The following ADGRA3 variants were observed in gnomAD, a reference collection of about 807,000 sequenced individuals.
ADGRA3 encodes adhesion G protein-coupled receptor A3, also known as G-protein coupled receptor 125.
A neutral mutation model predicts 119.8 loss-of-function variants in ADGRA3; 56 were observed. That is an observed-to-expected ratio of 0.47 (90% confidence interval 0.38 to 0.58). ADGRA3 has a LOEUF of 0.58. Ranked by LOEUF, ADGRA3 falls within the 20% of genes least tolerant of loss-of-function variation. ADGRA3 has a pLI of 0.00. For missense variants in ADGRA3, 1,516 were observed against 1,649.0 expected, an observed-to-expected ratio of 0.92 and a Z score of 1.40; for synonymous variants, 607 against 623.8, an observed-to-expected ratio of 0.97 and a Z score of 0.40.
intron 14 of ADGRA3, among the ~76,000 whole-genome samples, chr4:22,409,728 C>T (rs1352561594): frequency 1.3e-5 from 2 of 152,148 alleles, no homozygotes; most frequent in African/African-American, 2.4e-5. Flanking sequence ...AGAAATGTTG[C>T]TCTACAGAAA....
At chr4:22,461,414 C>T (rs113068204) in intron 3 of ADGRA3, among the ~76,000 whole-genome samples, 12,008 of 152,254 alleles carry the variant, frequency 0.079, 523 homozygotes, top group Middle Eastern at 0.11. Flanking sequence ...GATTCTCCTG[C>T]CTCAGCCTCC....
intron 3 of ADGRA3, among the ~76,000 whole-genome samples, chr4:22,458,879 A>G (rs1419103543): frequency 6.6e-6 from 1 of 152,156 alleles, no homozygotes; most frequent in African/African-American, 2.4e-5. Context: ...TAGTAGCAAG[A>G]TCTCCTCCAG....
At chr4:22,413,056 G>A in intron 14 of ADGRA3, 126 bp downstream of exon 14, 1 of 705,544 alleles carries the variant, frequency 1.4e-6, no homozygotes. Flanking sequence ...TAATCAAAGG[G>A]AGCAAATTAT....
At chr4:22,390,379 T>A (rs76539725) in intron 17 of ADGRA3, among the ~76,000 whole-genome samples, 188 of 13,890 alleles carry the variant, frequency 0.014, 6 homozygotes, top group African/African-American at 0.036. Flanking sequence ...TATATATATA[T>A]AATACGTATT....
At chr4:22,428,424 G>A (rs73800951) in intron 10 of ADGRA3, among the ~76,000 whole-genome samples, 2 of 151,746 alleles carry the variant, frequency 1.3e-5, no homozygotes, top group African/African-American at 4.8e-5. Context: ...TGGAGTTTTT[G>A]AGAAAGGCCA....
rs143898934 is a variant in ADGRA3 at position 22,495,619 on chromosome 4, A to G, written c.257+19909T>C. On this transcript the variant is annotated intron_variant, in intron 1 of 18. Transcript: ENST00000334304. ...GTAAATTTCTTTTATAAAAGTATCA[A>G]AGTTATAGGCCGGGCGTGGTGGCTC... Among the ~76,000 whole-genome samples the G allele has an allele frequency of 6.3e-4, 96 of 152,130 alleles. 4 individuals are homozygous for G. The highest frequency in any genetic ancestry group is 2.1e-3 in the African/African-American group (89 of 41,412).
chr4:22,454,505 C>T (rs1169842232), intron 4 of ADGRA3, among the ~76,000 whole-genome samples: 1 of 152,186 alleles, frequency 6.6e-6, no homozygotes, highest in South Asian at 2.1e-4. Context: ...CTATCCAGAT[C>T]TCTGCAAATC....
At chr4:22,513,482 T>C (rs1719523147) in intron 1 of ADGRA3, among the ~76,000 whole-genome samples, 1 of 151,854 alleles carries the variant, frequency 6.6e-6, no homozygotes. Flanking sequence ...TCCTTAATTG[T>C]ATCTTCTTCC....
At chr4:22,429,935 A>AGGGACCCAGTG (rs1716091284) in intron 10 of ADGRA3, among the ~76,000 whole-genome samples, 1 of 152,154 alleles carries the variant, frequency 6.6e-6, no homozygotes, top group South Asian at 2.1e-4. Flanking sequence ...GTGTTGTGAG[A>AGGGACCCAGTG]GGGACCCAGT....
At chr4:22,438,536 C>G (rs775761543) in intron 7 of ADGRA3, 116 bp from the exon 8 acceptor site, 8 of 732,192 alleles carry the variant, frequency 1.1e-5, no homozygotes, top group African/African-American at 1.1e-4. Context: ...GTGGGGTAAG[C>G]ACTTGCTATA....
chr4:22,444,725 T>C (rs1039983301), intron 6 of ADGRA3, among the ~76,000 whole-genome samples: 1 of 152,148 alleles, frequency 6.6e-6, no homozygotes, highest in Admixed American at 6.5e-5. Context: ...TTCTTTGAAA[T>C]TGGTTTGCAT....
intron 8 of ADGRA3, among the ~76,000 whole-genome samples, chr4:22,437,976 C>A (rs16872651): frequency 0.15 from 23,001 of 152,170 alleles, 1,811 homozygotes; most frequent in Middle Eastern, 0.22. Flanking sequence ...AGAATATCTC[C>A]AATGTTTCCC....
intron 10 of ADGRA3, among the ~76,000 whole-genome samples, chr4:22,435,027 A>G (rs1716338836): frequency 6.6e-6 from 1 of 152,190 alleles, no homozygotes; most frequent in Non-Finnish European, 1.5e-5. Context: ...CCTAAGCCAC[A>G]ACGTGGAGGC....
intron 9 of ADGRA3, 152 bp from the exon 10 acceptor site, chr4:22,435,618 C>A: frequency 4.7e-6 from 3 of 637,602 alleles, no homozygotes; most frequent in Non-Finnish European, 7.2e-6. Context: ...TTTACAAACC[C>A]AAGAAAACTG....
chr4:22,421,400 C>G (rs1461737141), intron 11 of ADGRA3, among the ~76,000 whole-genome samples: 2 of 151,980 alleles, frequency 1.3e-5, no homozygotes, highest in East Asian at 3.9e-4. Context: ...AAGGAAACAA[C>G]AAGCTAAAAA....
intron 12 of ADGRA3, among the ~76,000 whole-genome samples, chr4:22,417,144 G>A (rs1336831462): frequency 6.6e-6 from 1 of 152,112 alleles, no homozygotes; most frequent in Non-Finnish European, 1.5e-5. Context: ...ATTATTAACT[G>A]CATACCACCT....
intron 2 of ADGRA3, among the ~76,000 whole-genome samples, chr4:22,463,723 C>T (rs377005896): frequency 2.0e-5 from 3 of 152,192 alleles, no homozygotes; most frequent in East Asian, 3.8e-4. Context: ...GTTACAACAT[C>T]AAAGTTGGTT....
chr4:22,407,178 G>A (rs1444204610), intron 14 of ADGRA3, among the ~76,000 whole-genome samples: 1 of 152,216 alleles, frequency 6.6e-6, no homozygotes, highest in African/African-American at 2.4e-5. Flanking sequence ...GGCTGAGGCA[G>A]AAGAATGGCG....
At chr4:22,461,918 G>A (rs1292826695) in intron 2 of ADGRA3, 110 bp from the exon 3 acceptor site, 2 of 587,514 alleles carry the variant, frequency 3.4e-6, no homozygotes, top group Admixed American at 3.5e-5. Flanking sequence ...AATAAGAGGA[G>A]GAAACTGAAG....
Sources: gnomAD v4.1 joint callset for allele counts (sites outside exome capture counted in the v4.1 genomes callset) on GRCh38, gnomAD v4.1.1 for gene constraint, MANE v1.5 for transcripts, NCBI Gene and HGNC (gene_info 2026-07-23, HGNC 2026-07-21) for gene names.